CNTN5: variants seen among roughly 807,000 people sequenced by gnomAD.
The protein encoded by CNTN5 is contactin-5.
Under a neutral mutation model 129.1 loss-of-function variants are expected in CNTN5, and 77 were observed. The ratio of observed to expected loss-of-function variants is 0.60; its 90% CI spans 0.50 to 0.72. The LOEUF (loss-of-function observed/expected upper bound fraction) is 0.72, where lower values mean the gene tolerates loss of function less well. CNTN5 is among the 30% of genes least tolerant of loss of function. CNTN5 has a pLI of 0.00. For synonymous variants in CNTN5, 509 were observed against 465.6 expected (o/e 1.09, Z -1.20); for missense variants, 1,478 against 1,328.8 (o/e 1.11, Z -1.75).
intron 9 of CNTN5, 55 bp downstream of exon 9, chr11:100,002,191 T>C (rs1297536085): frequency 1.7e-6 from 2 of 1,177,394 alleles, no homozygotes; most frequent in African/African-American, 1.6e-5. Context: ...ATGTGACATA[T>C]CTTATTTTTG....
At chr11:99,055,881 G>C (rs1326524969) in intron 1 of CNTN5, among the ~76,000 whole-genome samples, 20 of 151,942 alleles carry the variant, frequency 1.3e-4, no homozygotes, top group Admixed American at 1.3e-3. Flanking sequence ...TATTCCTTCA[G>C]ACCGATCATC....
intron 3 of CNTN5, among the ~76,000 whole-genome samples, chr11:99,617,626 AGAG>A (rs1422664341): frequency 6.6e-6 from 1 of 152,178 alleles, no homozygotes; most frequent in Non-Finnish European, 1.5e-5. Flanking sequence ...CTATAGTTCT[AGAG>A]GAGATTTTTT....
chr11:99,767,567 AT>A (rs1944796484), intron 3 of CNTN5, among the ~76,000 whole-genome samples: 1 of 151,594 alleles, frequency 6.6e-6, no homozygotes, highest in Non-Finnish European at 1.5e-5. Flanking sequence ...TGCAAATAAG[AT>A]TTTTTTGGAA....
rs549781717 is a variant in CNTN5 at position 100,036,383 on chromosome 11, T to G, written c.981-24829T>G. On this transcript the variant is annotated intron_variant, in intron 9 of 24. Coordinates refer to ENST00000524871, the MANE Select transcript of CNTN5 (RefSeq NM_014361.4). ...TTGGTTACTGTAGCTTTGTAGTATA[T>G]TTTGAAGTCAGGTAGCGTGATGCCT... Among the ~76,000 whole-genome samples, 1,041 of 149,896 alleles carry G rather than the reference T, an allele frequency of 6.9e-3. 7 individuals are homozygous for G. Among genetic ancestry groups the G allele is most frequent in the African/African-American group, 0.022 (912 of 41,076 alleles).
intron 15 of CNTN5, among the ~76,000 whole-genome samples, chr11:100,210,134 G>A (rs945834251): frequency 5.5e-5 from 8 of 144,406 alleles, no homozygotes; most frequent in East Asian, 2.0e-4. Context: ...CCAAGAGTTC[G>A]AGATCAGCCT....
At chr11:99,255,869 C>T (rs1052390634) in intron 1 of CNTN5, among the ~76,000 whole-genome samples, 3 of 151,598 alleles carry the variant, frequency 2.0e-5, no homozygotes, top group African/African-American at 4.8e-5. Context: ...GGTGCTCTTT[C>T]GTTTCTCCAC....
chr11:99,489,486 T>G (rs1236384760), intron 2 of CNTN5, among the ~76,000 whole-genome samples: 2 of 152,210 alleles, frequency 1.3e-5, no homozygotes, highest in Non-Finnish European at 2.9e-5. Flanking sequence ...ATATTTTAAC[T>G]TCTCATTCTC....
At chr11:99,449,269 G>A (rs572455110) in intron 2 of CNTN5, among the ~76,000 whole-genome samples, 5 of 152,078 alleles carry the variant, frequency 3.3e-5, no homozygotes, top group African/African-American at 4.8e-5. Flanking sequence ...GAAAGTTCAT[G>A]GATAATGATC....
At chr11:99,712,961 G>C (rs879110602) in intron 3 of CNTN5, among the ~76,000 whole-genome samples, 2 of 151,984 alleles carry the variant, frequency 1.3e-5, no homozygotes, top group Non-Finnish European at 2.9e-5. Context: ...GGCTAGGTGG[G>C]CTCTTTTTTT....
intron 3 of CNTN5, among the ~76,000 whole-genome samples, chr11:99,709,120 A>T (rs1310207523): frequency 6.6e-6 from 1 of 151,876 alleles, no homozygotes; most frequent in Non-Finnish European, 1.5e-5. Flanking sequence ...TTAGCACATC[A>T]TCTTTCTGGC....
intron 9 of CNTN5, among the ~76,000 whole-genome samples, chr11:100,033,405 T>C (rs1288090360): frequency 6.6e-6 from 1 of 152,236 alleles, no homozygotes; most frequent in Non-Finnish European, 1.5e-5. Flanking sequence ...TAAAGGTTTC[T>C]GGCCTTGACT....
At chr11:99,071,477 A>G (rs1865338874) in intron 1 of CNTN5, among the ~76,000 whole-genome samples, 2 of 152,310 alleles carry the variant, frequency 1.3e-5, no homozygotes, top group African/African-American at 4.8e-5. Context: ...AGAAACATCA[A>G]TAGAATTTTG....
Position 99,111,806 on chromosome 11 carries a change from GT to G in CNTN5, c.-210+90537del. ...CCTATTTAATACATCTTTAAAAAAT[GT>G]GTGAATTCTATATTTGTCCTAATTA... On this transcript the variant is annotated intron_variant, in intron 1 of 24. Coordinates refer to ENST00000524871, the MANE Select transcript of CNTN5 (RefSeq NM_014361.4). Among the ~76,000 whole-genome samples the G allele has an allele frequency of 2.6e-5, 4 of 152,100 alleles. 1 individual carries two copies. Among genetic ancestry groups the G allele is most frequent in the Admixed American group, 2.6e-4 (4 of 15,264 alleles).
At chr11:99,847,100 T>C (rs995164680) in intron 6 of CNTN5, among the ~76,000 whole-genome samples, 1 of 152,206 alleles carries the variant, frequency 6.6e-6, no homozygotes, top group Non-Finnish European at 1.5e-5. Context: ...ATTAGTGGCT[T>C]ATACCTTACA....
chr11:100,347,569 G>A (rs1952311859), intron 23 of CNTN5, among the ~76,000 whole-genome samples: 1 of 152,016 alleles, frequency 6.6e-6, no homozygotes, highest in Non-Finnish European at 1.5e-5. Flanking sequence ...GGAAATGCTG[G>A]GGAGATAGAG....
chr11:100,073,052 T>C (rs1238345357), intron 12 of CNTN5, among the ~76,000 whole-genome samples: 1 of 150,122 alleles, frequency 6.7e-6, no homozygotes, highest in African/African-American at 2.5e-5. Context: ...TTTAGCTTTT[T>C]AACTTTTTTT....
chr11:99,305,596 A>G (rs1244250139), intron 1 of CNTN5, among the ~76,000 whole-genome samples: 1 of 152,218 alleles, frequency 6.6e-6, no homozygotes, highest in Non-Finnish European at 1.5e-5. Context: ...GGGCAATTTA[A>G]CAATCCACAG....
chr11:100,023,378 C>G (rs945448836), intron 9 of CNTN5, among the ~76,000 whole-genome samples: 2 of 151,942 alleles, frequency 1.3e-5, no homozygotes, highest in East Asian at 3.9e-4. Context: ...TTAGGCTGAC[C>G]GCAAAAGTGA....
chr11:99,826,101 A>G (rs1246122491), intron 4 of CNTN5, among the ~76,000 whole-genome samples: 1 of 152,130 alleles, frequency 6.6e-6, no homozygotes, highest in Non-Finnish European at 1.5e-5. Flanking sequence ...CCTGATAGAT[A>G]TAAGTGTATT....
Sources: gnomAD v4.1 joint callset for allele counts (sites outside exome capture counted in the v4.1 genomes callset) on GRCh38, gnomAD v4.1.1 for gene constraint, MANE v1.5 for transcripts, NCBI Gene and HGNC (gene_info 2026-07-23, HGNC 2026-07-21) for gene names.